TRIM54: variants seen among roughly 807,000 people sequenced by gnomAD.
TRIM54 encodes the protein tripartite motif containing 54.
Under a neutral mutation model 42.0 loss-of-function variants are expected in TRIM54, and 40 were observed. The observed-to-expected ratio is 0.95, with a 90% CI of 0.74 to 1.24. The LOEUF is 1.24. Among genes scored for constraint, TRIM54 ranks in the 50% most tolerant of loss-of-function variants. The pLI is 0.00. For missense variants in TRIM54, 485 were observed against 480.3 expected, an observed-to-expected ratio of 1.01 and a Z score of -0.09; for synonymous variants, 199 against 194.9, an observed-to-expected ratio of 1.02 and a Z score of -0.17.
rs1415890535 is a variant in TRIM54 at position 27,305,045 on chromosome 2, G to T, written c.600G>T (p.Gln200His). 1 of 1,613,874 alleles carries T rather than the reference G, an allele frequency of 6.2e-7. No individual in the cohort carries two copies. The highest frequency in any genetic ancestry group is 1.1e-5 in the South Asian group (1 of 91,010). The change falls in exon 4 of 9, where the codon CAG (glutamine) becomes CAT (histidine). Residue 200 changes from glutamine to histidine, a missense_variant. Gln to His is a conservative substitution (Grantham distance 24, BLOSUM62 0). Transcript: ENST00000380075. ...TCACACAGATGGAGGAGGTGTGCCA[G>T]ACTATCGAGGTGAGCCTGGGCTGGA... ...AVITQMEEVC[Q>H]TIEDNSRRQK...
intron 3 of TRIM54, among the ~76,000 whole-genome samples, chr2:27,303,595 T>C (rs116708757): frequency 0.013 from 2,012 of 150,876 alleles, 18 homozygotes; most frequent in Non-Finnish European, 0.022. Flanking sequence ...ACTAGGATCC[T>C]AGGAGCTAAA....
intron 2 of TRIM54, among the ~76,000 whole-genome samples, 197 bp from the exon 3 acceptor site, chr2:27,299,048 C>A (rs1678949013): frequency 6.6e-6 from 1 of 152,190 alleles, no homozygotes; most frequent in Non-Finnish European, 1.5e-5. Flanking sequence ...ACAGACTGTT[C>A]TCGGATCCAG....
chr2:27,292,948 AT>A (rs1038949902), intron 1 of TRIM54, among the ~76,000 whole-genome samples: 2 of 151,720 alleles, frequency 1.3e-5, no homozygotes, highest in African/African-American at 4.8e-5. Context: ...TCAAATGTGG[AT>A]TTTTTTTCTG....
chr2:27,294,804 C>T (rs1480572043), intron 1 of TRIM54, among the ~76,000 whole-genome samples: 2 of 145,652 alleles, frequency 1.4e-5, no homozygotes, highest in East Asian at 2.1e-4. Flanking sequence ...GCAGGGGAAT[C>T]GCTTGAACCC....
chr2:27,299,337 C>T lies in TRIM54; in HGVS notation c.434C>T (p.Thr145Ile). The stretch of plus-strand genomic sequence containing the variant: ...TACTGCCTGAGCTGTGAGGTGCCCA[C>T]CTGCTCTCTCTGCAAGGTCTTCGGT... ...NIYCLSCEVP[T>I]CSLCKVFGAH... The change falls in exon 3 of 9, where the codon ACC becomes ATC. Residue 145 changes from threonine to isoleucine, a missense_variant. By Grantham distance (89) the Thr-to-Ile change is moderately conservative. Coordinates refer to ENST00000380075, the MANE Select transcript of TRIM54 (RefSeq NM_187841.3). 1 of 1,614,190 alleles carries T rather than the reference C, an allele frequency of 6.2e-7. No homozygotes were observed. The highest frequency in any genetic ancestry group is 8.5e-7 in the Non-Finnish European group (1 of 1,180,046).
At chr2:27,291,227 C>T (rs1316679654) in intron 1 of TRIM54, among the ~76,000 whole-genome samples, 5 of 152,010 alleles carry the variant, frequency 3.3e-5, no homozygotes, top group South Asian at 2.1e-4. Flanking sequence ...TGGTGGTGAA[C>T]GCCTATAGTC....
intron 3 of TRIM54, among the ~76,000 whole-genome samples, chr2:27,303,752 C>T (rs775084543): frequency 6.6e-6 from 1 of 151,906 alleles, no homozygotes; most frequent in African/African-American, 2.4e-5. Context: ...CACAGAGAAA[C>T]GTAATCCATG....
intron 1 of TRIM54, among the ~76,000 whole-genome samples, chr2:27,288,601 T>C (rs908800388): frequency 6.6e-6 from 1 of 152,202 alleles, no homozygotes; most frequent in East Asian, 1.9e-4. Flanking sequence ...GTGTGGTCAT[T>C]TCTTTTTAAG....
chr2:27,292,570 A>C (rs547223129), intron 1 of TRIM54, among the ~76,000 whole-genome samples: 1 of 152,316 alleles, frequency 6.6e-6, no homozygotes, highest in South Asian at 2.1e-4. Flanking sequence ...TGCACATAAC[A>C]TGAAATGTAC....
At chr2:27,284,137 A>G (rs1412962492) in intron 1 of TRIM54, among the ~76,000 whole-genome samples, 1 of 152,188 alleles carries the variant, frequency 6.6e-6, no homozygotes, top group Non-Finnish European at 1.5e-5. Context: ...CATCTCAAAA[A>G]AACAAAAACA....
At chr2:27,297,143 G>A (rs1678888416) in intron 1 of TRIM54, among the ~76,000 whole-genome samples, 1 of 152,206 alleles carries the variant, frequency 6.6e-6, no homozygotes, top group East Asian at 1.9e-4. Flanking sequence ...AATAAGCAGT[G>A]TCTGCCAGTC....
Position 27,306,392 on chromosome 2 carries a change from G to A in TRIM54, c.991+55G>A, listed in dbSNP as rs550304033. ...CGGGTTCGGACCCTCTGTGTGGGGG[G>A]TGCGGCGGGCACGATGGCCGTAAAG... On this transcript the variant is annotated intron_variant, in intron 7 of 8. Transcript: ENST00000380075. The surrounding 1 kb of genome is among the most constrained non-coding windows in gnomAD (Gnocchi z 6.1). 2.5e-6 allele frequency: 4 copies of A among 1,613,456 alleles called. No homozygotes were observed. Among genetic ancestry groups the A allele is most frequent in the East Asian group, 2.2e-5 (1 of 44,864 alleles).
chr2:27,286,612 C>T lies in TRIM54; in HGVS notation c.168+3713C>T, dbSNP rs916379571. Among the ~76,000 whole-genome samples, 3 of 152,294 alleles carry T rather than the reference C, an allele frequency of 2.0e-5. 1 individual carries two copies. The highest frequency in any genetic ancestry group is 1.3e-4 in the Admixed American group (2 of 15,298). On this transcript the variant is annotated intron_variant, in intron 1 of 8. Transcript: ENST00000380075. ...TTTATTTTTATACCTGCCTCCACTT[C>T]ACTGTGGGCACTTGTTTTTGAGCCT... is the stretch of plus-strand genomic sequence containing the variant.
rs186500073 is a variant in TRIM54, at chr2:27,294,579, G to C, written c.169-3988G>C. The stretch of plus-strand genomic sequence containing the variant: ...ACTGAGACACAATTTCCTCATCCTT[G>C]AAATGGGGCTAAGACTATTACCTAC... On this transcript the variant is annotated intron_variant, in intron 1 of 8. Coordinates refer to ENST00000380075, the MANE Select transcript of TRIM54 (RefSeq NM_187841.3). Among the ~76,000 whole-genome samples the C allele has an allele frequency of 3.9e-5, 6 of 152,108 alleles. No individual in the cohort carries two copies. In the East Asian group the frequency reaches 1.2e-3, roughly 29 times the overall value.
At position 27,282,453 on chromosome 2, in the gene TRIM54, CAA is replaced by C; in HGVS notation, c.-278_-277del. 4.2e-6 allele frequency: 1 copy of C among 238,864 alleles called. No homozygotes were observed. The highest frequency in any genetic ancestry group is 8.0e-6 in the Non-Finnish European group (1 of 124,380). 14.8% of individuals were successfully genotyped at this position (238,864 alleles called of 1,614,324 possible). A position where few individuals can be genotyped will look rare whatever the true frequency, so the allele number is the denominator to read the frequency against. The stretch of plus-strand genomic sequence containing the variant: ...CAAACAGTGCTACCCACAGAGTGAA[CAA>C]GAGAGAGTCATTTGGGAAACAAAAG... On this transcript the variant is annotated 5_prime_UTR_variant, in exon 1 of 9. Transcript: ENST00000380075.
Position 27,306,440 on chromosome 2 carries a change from C to G in TRIM54, c.992-16C>G. 5 of 1,604,576 alleles carry G rather than the reference C, an allele frequency of 3.1e-6. No individual in the cohort carries two copies. The highest frequency in any genetic ancestry group is 1.3e-5 in the African/African-American group (1 of 74,822). On this transcript the variant is annotated splice_polypyrimidine_tract_variant and intron_variant, in intron 7 of 8. Coordinates refer to ENST00000380075, the MANE Select transcript of TRIM54 (RefSeq NM_187841.3). The surrounding 1 kb of genome is among the most constrained non-coding windows in gnomAD (Gnocchi z 6.1). ...AAGGCAGGGACTCCACCTCACCAGG[C>G]CTTCCTTGGGCTCAGGCGCTTCCGG... is the stretch of plus-strand genomic sequence containing the variant.
chr2:27,304,223 TATAGATAGATAG>T (rs34719198), intron 3 of TRIM54, among the ~76,000 whole-genome samples: 12 of 139,286 alleles, frequency 8.6e-5, no homozygotes, highest in Middle Eastern at 3.8e-3. Flanking sequence ...AATATATATA[TATAGATAGATAG>T]ATAGATAGAT....
chr2:27,303,524 TG>T (rs1369975817), intron 3 of TRIM54, among the ~76,000 whole-genome samples: 1 of 151,234 alleles, frequency 6.6e-6, no homozygotes, highest in Non-Finnish European at 1.5e-5. Context: ...CACTCCAGCC[TG>T]GGCAACAGGG....
chr2:27,282,783 G>A lies in TRIM54; in HGVS notation c.52G>A (p.Asp18Asn). The A allele has an allele frequency of 3.7e-6, 6 of 1,613,940 alleles. No individual in the cohort carries two copies. The highest frequency in any genetic ancestry group is 5.1e-6 in the Non-Finnish European group (6 of 1,179,916). ...GCTGCTAGGGGATGCACACAGCATG[G>A]ACAACCTGGAGAAGCAGCTCATCTG... ...KPLLGDAHSM[D>N]NLEKQLICPI... Residue 18 changes from aspartate (D) to asparagine (N), a missense_variant, in exon 1 of 9, where the codon GAC becomes AAC. Asp to Asn is a conservative substitution (Grantham distance 23). Transcript: ENST00000380075.
Sources: allele counts gnomAD v4.1 joint callset (sites outside exome capture counted in the v4.1 genomes callset), GRCh38; gene constraint gnomAD v4.1.1; non-coding constraint Gnocchi (gnomAD v3.1); transcripts MANE v1.5; gene names NCBI Gene and HGNC (gene_info 2026-07-23, HGNC 2026-07-21).